The following SUMF1 variants were observed in gnomAD, a reference collection of about 807,000 sequenced individuals.
SUMF1 encodes the protein sulfatase modifying factor 1.
In SUMF1, 48 loss-of-function variants were observed where a neutral mutation model predicts 47.6. That is an observed-to-expected ratio of 1.01 (90% confidence interval 0.80 to 1.28). The LOEUF is 1.28. Ranked by LOEUF, SUMF1 falls within the 50% of genes most tolerant of loss-of-function variation. SUMF1 has a pLI of 0.00. For missense variants in SUMF1, 571 were observed against 485.4 expected, an observed-to-expected ratio of 1.18 and a Z score of -1.66; for synonymous variants, 230 against 192.1, an observed-to-expected ratio of 1.20 and a Z score of -1.63.
chr3:4,178,646 T>A (rs1057486014), intron 8 of SUMF1, among the ~76,000 whole-genome samples: 2 of 152,134 alleles, frequency 1.3e-5, no homozygotes. Flanking sequence ...AGGGCTGCGC[T>A]CTCTCACCAC....
chr3:4,062,242 G>A (rs795727), intron 9 of SUMF1, among the ~76,000 whole-genome samples: 89,077 of 151,948 alleles, frequency 0.59, 26,908 homozygotes, highest in East Asian at 0.75. Context: ...TGGGAGCATG[G>A]TCAAACTGGG....
At chr3:4,439,482 C>G (rs903761693) in intron 3 of SUMF1, among the ~76,000 whole-genome samples, 1 of 151,966 alleles carries the variant, frequency 6.6e-6, no homozygotes, top group African/African-American at 2.4e-5. Flanking sequence ...GCAGAGATTA[C>G]ACCACTGAAC....
chr3:4,106,979 T>C (rs1693173979), intron 8 of SUMF1, among the ~76,000 whole-genome samples: 2 of 152,056 alleles, frequency 1.3e-5, no homozygotes, highest in Non-Finnish European at 2.9e-5. Context: ...TTCAGATATT[T>C]CTCCAACCCG....
intron 8 of SUMF1, among the ~76,000 whole-genome samples, chr3:4,210,710 C>A (rs1695760688): frequency 6.6e-6 from 1 of 152,026 alleles, no homozygotes; most frequent in Non-Finnish European, 1.5e-5. Flanking sequence ...TATTTCATCA[C>A]CCCATGTGAT....
chr3:4,209,044 G>C (rs1695717327), intron 8 of SUMF1, among the ~76,000 whole-genome samples: 1 of 152,072 alleles, frequency 6.6e-6, no homozygotes, highest in Admixed American at 6.6e-5. Context: ...TTCTGAAAAA[G>C]TTTGTGTAGA....
At chr3:4,366,182 A>G (rs1458433347) in intron 8 of SUMF1, among the ~76,000 whole-genome samples, 1 of 151,322 alleles carries the variant, frequency 6.6e-6, no homozygotes, top group South Asian at 2.1e-4. Context: ...GGTGAATCTG[A>G]TAATTATGTG....
At chr3:4,252,612 A>C (rs1044120438) in intron 8 of SUMF1, among the ~76,000 whole-genome samples, 2 of 152,148 alleles carry the variant, frequency 1.3e-5, no homozygotes, top group Non-Finnish European at 2.9e-5. Flanking sequence ...TCAGAGAGAG[A>C]ACAAAAAACT....
chr3:4,294,194 T>C (rs2125057655), intron 8 of SUMF1, among the ~76,000 whole-genome samples: 1 of 152,306 alleles, frequency 6.6e-6, no homozygotes, highest in Middle Eastern at 3.4e-3. Flanking sequence ...TCCATAGCTA[T>C]ACGTAGCTAT....
chr3:4,133,220 G>C (rs992450822), intron 8 of SUMF1, among the ~76,000 whole-genome samples: 5 of 152,096 alleles, frequency 3.3e-5, no homozygotes, highest in African/African-American at 9.7e-5. Context: ...TGTGACATAA[G>C]ATTTATTGAT....
At chr3:4,439,998 C>T (rs1168295077) in intron 3 of SUMF1, among the ~76,000 whole-genome samples, 3 of 152,214 alleles carry the variant, frequency 2.0e-5, no homozygotes, top group African/African-American at 7.2e-5. Context: ...CTTTGGGAGG[C>T]CGAGGCGGGT....
At position 4,363,416 on chromosome 3, in the gene SUMF1, T is replaced by C. The variant is rs61646767; in HGVS notation, c.1015-1162A>G. ...TATTTCATTGAGCAGTGGTTTGTAGTTCTCCTTGAAGAGGTCCTTCACGTC... is the reference window on the plus strand; with the variant it reads ...TATTTCATTGAGCAGTGGTTTGTAGCTCTCCTTGAAGAGGTCCTTCACGTC... On this transcript the variant is annotated intron_variant, in intron 8 of 8. Coordinates refer to ENST00000272902, the MANE Select transcript of SUMF1 (RefSeq NM_182760.4). 1.8e-3 allele frequency among the ~76,000 whole-genome samples: 280 copies of C among 152,224 alleles called. 2 individuals are homozygous for C. Among genetic ancestry groups the C allele is most frequent in the African/African-American group, 6.5e-3 (270 of 41,550 alleles).
intron 9 of SUMF1, among the ~76,000 whole-genome samples, chr3:4,041,387 T>C (rs1006647209): frequency 2.0e-5 from 3 of 152,214 alleles, no homozygotes; most frequent in Admixed American, 1.3e-4. Context: ...TTCTTTATGA[T>C]GATATATCAG....
At chr3:4,156,489 A>T (rs950207818) in intron 8 of SUMF1, among the ~76,000 whole-genome samples, 3 of 151,630 alleles carry the variant, frequency 2.0e-5, no homozygotes, top group Non-Finnish European at 2.9e-5. Context: ...AGTTCTTCCT[A>T]CACAACTGGA....
At chr3:4,269,081 T>A (rs150398471) in intron 8 of SUMF1, among the ~76,000 whole-genome samples, 1 of 152,184 alleles carries the variant, frequency 6.6e-6, no homozygotes, top group Non-Finnish European at 1.5e-5. Context: ...ACCACCCAGA[T>A]CAGTGATGAT....
chr3:4,403,352 C>T (rs933850389), intron 7 of SUMF1, among the ~76,000 whole-genome samples: 2 of 152,068 alleles, frequency 1.3e-5, no homozygotes, highest in Non-Finnish European at 1.5e-5. Context: ...AAAAGGATAG[C>T]TCCACTATTA....
chr3:4,317,674 G>C (rs1265526254), intron 8 of SUMF1: 1 of 155,272 alleles, frequency 6.4e-6, no homozygotes, highest in Admixed American at 6.3e-5. Context: ...GTGGCTGTTA[G>C]ATTTTGTTCT....
chr3:4,400,770 C>T (rs183310973), intron 7 of SUMF1, among the ~76,000 whole-genome samples: 201 of 152,278 alleles, frequency 1.3e-3, no homozygotes, highest in Admixed American at 2.8e-3. Flanking sequence ...CACCCCCTGG[C>T]CCCAAGATAG....
At chr3:4,155,089 C>T (rs1694422933) in intron 8 of SUMF1, among the ~76,000 whole-genome samples, 1 of 151,532 alleles carries the variant, frequency 6.6e-6, no homozygotes, top group South Asian at 2.1e-4. Flanking sequence ...CTGAGGAAGA[C>T]ATTAGGGACC....
At chr3:4,104,666 T>TTA (rs1553600529) in intron 8 of SUMF1, among the ~76,000 whole-genome samples, 3 of 146,752 alleles carry the variant, frequency 2.0e-5, no homozygotes, top group African/African-American at 7.5e-5. Flanking sequence ...AAATCTCGAT[T>TTA]TCTCTCTCTC....
Sources: gnomAD v4.1 joint callset for allele counts (sites outside exome capture counted in the v4.1 genomes callset) on GRCh38, gnomAD v4.1.1 for gene constraint, MANE v1.5 for transcripts, NCBI Gene and HGNC (gene_info 2026-07-23, HGNC 2026-07-21) for gene names.